The following DLGAP2 variants were observed in gnomAD, a reference collection of about 807,000 sequenced individuals.
DLGAP2 encodes DLG associated protein 2.
A neutral mutation model predicts 100.3 loss-of-function variants in DLGAP2; 26 were observed. That is an observed-to-expected ratio of 0.26 (90% CI 0.19 to 0.36). The LOEUF is 0.36. Among genes scored for constraint, DLGAP2 ranks in the 10% least tolerant of loss-of-function variants. The pLI, the probability that DLGAP2 is intolerant of heterozygous loss-of-function variation, is 1.00. For synonymous variants in DLGAP2, 886 were observed against 630.1 expected (o/e 1.41, Z -6.08); for missense variants, 1,858 against 1,453.2 (o/e 1.28, Z -4.53).
In DLGAP2 at chr8:1,255,255, C is replaced by T. The variant is rs375530428; in HGVS notation, c.74-3596C>T. On this transcript the variant is annotated intron_variant, in intron 2 of 14. Transcript: ENST00000637795. ...TGTGTGTGTGCCCTCTCATCCTGCC[C>T]GGGTGCTGTGTGTGTGTCCTCTCCT... is the stretch of plus-strand genomic sequence containing the variant. 2.5e-4 allele frequency among the ~76,000 whole-genome samples: 18 copies of T among 72,732 alleles called. 1 individual carries two copies. The highest frequency in any genetic ancestry group is 8.6e-4 in the African/African-American group (9 of 10,426). The allele number at this position is 72,732 out of a possible 152,430, so 47.7% of individuals were successfully genotyped here.
chr8:744,858 G>A (rs1343274166), intron 1 of DLGAP2, among the ~76,000 whole-genome samples: 1 of 152,152 alleles, frequency 6.6e-6, no homozygotes, highest in Non-Finnish European at 1.5e-5. Context: ...CCCCGGCCCC[G>A]ATGCCTGAGT....
At chr8:1,553,648 C>A (rs920449808) in intron 5 of DLGAP2, among the ~76,000 whole-genome samples, 1 of 152,196 alleles carries the variant, frequency 6.6e-6, no homozygotes, top group Non-Finnish European at 1.5e-5. Flanking sequence ...TGTTTCAGAA[C>A]CTCTCCCTGC....
At chr8:1,215,964 C>T (rs112718446) in intron 2 of DLGAP2, among the ~76,000 whole-genome samples, 4 of 151,686 alleles carry the variant, frequency 2.6e-5, no homozygotes, top group South Asian at 2.1e-4. Context: ...CACCTGGAGA[C>T]GTCCAGGTAC....
intron 5 of DLGAP2, among the ~76,000 whole-genome samples, chr8:1,561,964 G>A (rs970116497): frequency 4.6e-5 from 3 of 64,762 alleles, no homozygotes; most frequent in Non-Finnish European, 9.0e-5. Flanking sequence ...TGGGGTGTCC[G>A]CGCCTCGTTG....
chr8:1,444,246 C>T (rs769230094), intron 3 of DLGAP2, among the ~76,000 whole-genome samples: 48 of 152,152 alleles, frequency 3.2e-4, no homozygotes, highest in African/African-American at 4.8e-4. Flanking sequence ...TCACTGCACC[C>T]GTCTCAATAT....
At chr8:1,623,608 G>T (rs1420411813) in intron 6 of DLGAP2, among the ~76,000 whole-genome samples, 1 of 151,286 alleles carries the variant, frequency 6.6e-6, no homozygotes, top group Non-Finnish European at 1.5e-5. Flanking sequence ...TGGCACCAGT[G>T]TGCGATGACG....
intron 1 of DLGAP2, among the ~76,000 whole-genome samples, chr8:756,613 T>G (rs1820927108): frequency 6.6e-6 from 1 of 152,116 alleles, no homozygotes; most frequent in Non-Finnish European, 1.5e-5. Context: ...GACAGAACTC[T>G]GTTGAGTCAA....
intron 2 of DLGAP2, among the ~76,000 whole-genome samples, chr8:1,160,913 C>T (rs572040161): frequency 6.6e-6 from 1 of 152,336 alleles, no homozygotes; most frequent in East Asian, 1.9e-4. Context: ...TGGCCGTCAT[C>T]TGGGTTTTTC....
At chr8:1,363,912 G>A (rs532834779) in intron 3 of DLGAP2, among the ~76,000 whole-genome samples, 12 of 152,208 alleles carry the variant, frequency 7.9e-5, no homozygotes, top group Admixed American at 7.2e-4. Context: ...GTGCCGGCTG[G>A]GGGGTCCCTC....
intron 1 of DLGAP2, among the ~76,000 whole-genome samples, chr8:881,739 G>T (rs1298728564): frequency 1.4e-5 from 2 of 144,560 alleles, no homozygotes; most frequent in African/African-American, 5.1e-5. Context: ...GGCTGGTCTC[G>T]AACTCCTGAC....
At chr8:1,121,597 C>T (rs1361012739) in intron 2 of DLGAP2, among the ~76,000 whole-genome samples, 1 of 152,078 alleles carries the variant, frequency 6.6e-6, no homozygotes, top group South Asian at 2.1e-4. Flanking sequence ...CATCCTCTTT[C>T]CTTCAGAACC....
intron 2 of DLGAP2, among the ~76,000 whole-genome samples, chr8:1,074,231 A>G (rs1443740424): frequency 2.0e-5 from 3 of 150,664 alleles, no homozygotes; most frequent in Non-Finnish European, 4.4e-5. Context: ...GTACATATTC[A>G]GGATTCACTG....
chr8:999,078 A>G (rs890919334), intron 2 of DLGAP2, among the ~76,000 whole-genome samples: 3 of 152,168 alleles, frequency 2.0e-5, no homozygotes, highest in Admixed American at 6.5e-5. Flanking sequence ...GTGATTGATC[A>G]TGTTCTTAAA....
intron 2 of DLGAP2, among the ~76,000 whole-genome samples, chr8:1,171,912 T>A (rs1219330711): frequency 1.3e-5 from 2 of 152,202 alleles, no homozygotes; most frequent in African/African-American, 2.4e-5. Flanking sequence ...ATGTGTGAAT[T>A]TGATCCTGTC....
chr8:1,692,886 A>G (rs1273113899), intron 13 of DLGAP2, among the ~76,000 whole-genome samples: 2 of 149,026 alleles, frequency 1.3e-5, no homozygotes, highest in Non-Finnish European at 1.5e-5. Flanking sequence ...ATACTTACAT[A>G]TGCTTATATA....
At chr8:1,192,381 T>G (rs1221337874) in intron 2 of DLGAP2, among the ~76,000 whole-genome samples, 1 of 152,234 alleles carries the variant, frequency 6.6e-6, no homozygotes, top group Non-Finnish European at 1.5e-5. Flanking sequence ...TCAAGCTGAT[T>G]AACAGATGGA....
At chr8:825,476 A>G (rs1796670144) in intron 1 of DLGAP2, among the ~76,000 whole-genome samples, 1 of 152,190 alleles carries the variant, frequency 6.6e-6, no homozygotes, top group Non-Finnish European at 1.5e-5. Flanking sequence ...AGTCTTCAGC[A>G]CCACCAAGTC....
chr8:881,666 A>ATGTATAT, intron 1 of DLGAP2, among the ~76,000 whole-genome samples: 58 of 130,914 alleles, frequency 4.4e-4, no homozygotes, highest in Admixed American at 1.2e-3. Context: ...CTTGTGGCTG[A>ATGTATAT]ACACACACAC....
chr8:1,067,257 G>A (rs549723250), intron 2 of DLGAP2, among the ~76,000 whole-genome samples: 1 of 152,340 alleles, frequency 6.6e-6, no homozygotes, highest in South Asian at 2.1e-4. Flanking sequence ...TGTTCTTCAA[G>A]GAGAGACTGA....
Sources: gnomAD v4.1 joint callset for allele counts (sites outside exome capture counted in the v4.1 genomes callset) on GRCh38, gnomAD v4.1.1 for gene constraint, MANE v1.5 for transcripts, NCBI Gene and HGNC (gene_info 2026-07-23, HGNC 2026-07-21) for gene names.